Variants in SEC14L5 observed in about 807,000 individuals in gnomAD.
The protein encoded by SEC14L5 is SEC14 like lipid binding 5.
In SEC14L5, 96 loss-of-function variants were observed where a neutral mutation model predicts 84.6. The observed-to-expected ratio is 1.13, with a 90% CI of 0.96 to 1.34. The LOEUF is 1.34. SEC14L5 is among the 40% of genes most tolerant of loss of function. The pLI is 0.00. For missense variants in SEC14L5, 1,224 were observed against 942.5 expected (o/e 1.30, Z -3.91); for synonymous variants, 546 against 383.4 (o/e 1.42, Z -4.95).
At chr16:4,978,047 C>A (rs1255738208) in intron 2 of SEC14L5, among the ~76,000 whole-genome samples, 1 of 148,872 alleles carries the variant, frequency 6.7e-6, no homozygotes, top group African/African-American at 2.5e-5. Context: ...AGTGATCCAC[C>A]TGCCTCGGCC....
chr16:5,000,184 G>T (rs906180939), intron 8 of SEC14L5, among the ~76,000 whole-genome samples: 1 of 151,942 alleles, frequency 6.6e-6, no homozygotes, highest in South Asian at 2.1e-4. Flanking sequence ...CCAGCTACTC[G>T]GGAGGCTGAG....
Position 4,996,992 on chromosome 16 carries a change from C to G in SEC14L5, c.918C>G (p.Pro306=). The change falls in exon 8 of 16, where the codon CCC becomes CCG. Residue 306 remains proline (P), a synonymous_variant. Coordinates refer to ENST00000251170, the MANE Select transcript of SEC14L5 (RefSeq NM_014692.2). The stretch of plus-strand genomic sequence containing the variant: ...ATCTCCTCCTTCAGACCTGGCAACC[C>G]CCTGCCCTGCTGGAGGAGTTCTATG... ...QVDLLLQTWQ[P]PALLEEFYAG... is the part of the protein sequence containing the mutation. 1 of 1,613,360 alleles carries G rather than the reference C, an allele frequency of 6.2e-7. No homozygotes were observed. Among genetic ancestry groups the G allele is most frequent in the Non-Finnish European group, 8.5e-7 (1 of 1,179,614 alleles).
chr16:5,007,660 C>A (rs575423057), intron 13 of SEC14L5, among the ~76,000 whole-genome samples, 174 bp downstream of exon 13: 46 of 144,890 alleles, frequency 3.2e-4, no homozygotes, highest in African/African-American at 1.1e-3. Context: ...GGCTGGAGTG[C>A]AGTGGTGCAA....
rs1444270738 is a variant in SEC14L5 at position 5,018,356 on chromosome 16, G to C, written c.*3386G>C. Reference sequence around the variant, plus strand: ...TATTGCCCTCTGAGTTGGGTGTGCAGTCTTTCTCTTTTAGAAACTGCTTGT... The same window carrying C: ...TATTGCCCTCTGAGTTGGGTGTGCACTCTTTCTCTTTTAGAAACTGCTTGT... On this transcript the variant is annotated 3_prime_UTR_variant, in exon 16 of 16. Transcript: ENST00000251170. 1 of 152,242 alleles carries C rather than the reference G, an allele frequency of 6.6e-6. No individual in the cohort carries two copies. The highest frequency in any genetic ancestry group is 1.5e-5 in the Non-Finnish European group (1 of 68,050). 9.4% of individuals were successfully genotyped at this position (152,242 alleles called of 1,614,324 possible).
chr16:4,992,150 G>A (rs1437110214), intron 6 of SEC14L5, 120 bp downstream of exon 6: 17 of 665,040 alleles, frequency 2.6e-5, no homozygotes, highest in African/African-American at 3.7e-5. Flanking sequence ...GAATGGGTCT[G>A]GGTCTTGGAA....
rs527915227 is a variant in SEC14L5 at position 4,979,150 on chromosome 16, C to G, written c.64-8407C>G. ...ACATTTTCAAATGCATGGGGACTGT[C>G]TGAGGAACAAGGGCACAGGGAGGGT... is the stretch of plus-strand genomic sequence containing the variant. On this transcript the variant is annotated intron_variant, in intron 2 of 15. Coordinates refer to ENST00000251170, the MANE Select transcript of SEC14L5 (RefSeq NM_014692.2). Among the ~76,000 whole-genome samples the G allele has an allele frequency of 3.3e-5, 5 of 152,250 alleles. No individual in the cohort carries two copies. The East Asian group carries it at 5.8e-4, about 18-fold the overall frequency.
At chr16:5,002,775 C>T (rs764643279) in intron 10 of SEC14L5, among the ~76,000 whole-genome samples, 6 of 152,178 alleles carry the variant, frequency 3.9e-5, no homozygotes, top group Non-Finnish European at 4.4e-5. Flanking sequence ...CAGGACTTGA[C>T]CAAGATCACA....
At chr16:5,001,775 C>A (rs1382472223) in intron 10 of SEC14L5, among the ~76,000 whole-genome samples, 3 of 149,234 alleles carry the variant, frequency 2.0e-5, no homozygotes, top group Non-Finnish European at 4.5e-5. Flanking sequence ...TGTAAAGTGG[C>A]TTTTTTTTTT....
intron 15 of SEC14L5, among the ~76,000 whole-genome samples, chr16:5,013,705 C>T (rs913646637): frequency 6.6e-6 from 1 of 151,724 alleles, no homozygotes; most frequent in South Asian, 2.1e-4. Context: ...ATTACAGGTG[C>T]GTACCACCAC....
intron 14 of SEC14L5, 46 bp from the exon 15 acceptor site, chr16:5,011,049 T>G: frequency 6.5e-7 from 1 of 1,540,518 alleles, no homozygotes; most frequent in South Asian, 1.2e-5. Context: ...CCTTGACCTG[T>G]CCTCTGGAGG....
Position 5,014,905 on chromosome 16 carries a change from C to G in SEC14L5, c.2026C>G (p.Leu676Val). 6.2e-7 allele frequency: 1 copy of G among 1,613,626 alleles called. No individual in the cohort carries two copies. The highest frequency in any genetic ancestry group is 8.5e-7 in the Non-Finnish European group (1 of 1,179,892). The change falls in exon 16 of 16, where the codon CTC (leucine) becomes GTC (valine). Residue 676 changes from leucine (L) to valine (V), a missense_variant. Physicochemically the swap from Leu to Val is conservative, Grantham distance 32 (BLOSUM62 1). Transcript: ENST00000251170. ...ATCCTGCACCAGCGGCTTCTCCCAG[C>G]TCAGCGCCGCCACCTCGTCCTCCTC... ...LESCTSGFSQLSAATSSSSSG... is the reference protein window; with the variant it reads ...LESCTSGFSQVSAATSSSSSG...
chr16:5,003,378 G>C (rs781776873), intron 10 of SEC14L5, 24 bp from the exon 11 acceptor site: 40 of 1,603,212 alleles, frequency 2.5e-5, no homozygotes, highest in Non-Finnish European at 3.2e-5. Flanking sequence ...GAGCCAGGTG[G>C]AGCTGGGGCT....
intron 4 of SEC14L5, 26 bp downstream of exon 4, chr16:4,988,306 C>G (rs1955517888): frequency 6.2e-7 from 1 of 1,610,352 alleles, no homozygotes; most frequent in Non-Finnish European, 8.5e-7. Context: ...CCTCAGCGCC[C>G]ACGCCCGGCA....
chr16:4,966,263 G>A, intron 2 of SEC14L5, among the ~76,000 whole-genome samples: 1 of 143,342 alleles, frequency 7.0e-6, no homozygotes, highest in Non-Finnish European at 1.5e-5. Context: ...ACCGCGCCCG[G>A]CCTCTTTTTT....
intron 6 of SEC14L5, among the ~76,000 whole-genome samples, chr16:4,992,822 T>C (rs1222397068): frequency 6.6e-6 from 1 of 152,212 alleles, no homozygotes; most frequent in Admixed American, 6.5e-5. Context: ...TAGGTGCATA[T>C]ATGCACATAA....
At chr16:5,003,160 T>G (rs11076865) in intron 10 of SEC14L5, among the ~76,000 whole-genome samples, 115,873 of 152,238 alleles carry the variant, frequency 0.76, 44,525 homozygotes, top group Non-Finnish European at 0.77. Context: ...GTCCTATGAG[T>G]AAGTGGGTCT....
intron 2 of SEC14L5, among the ~76,000 whole-genome samples, chr16:4,974,658 C>T (rs932821773): frequency 4.6e-5 from 7 of 151,764 alleles, no homozygotes; most frequent in African/African-American, 1.7e-4. Context: ...AATTTTAGTG[C>T]ACCTGTCACA....
At chr16:4,967,562 GTTTTTTTTTTTTTTTTT>G (rs869061549) in intron 2 of SEC14L5, among the ~76,000 whole-genome samples, 2 of 37,066 alleles carry the variant, frequency 5.4e-5, no homozygotes, top group Non-Finnish European at 1.1e-4. Flanking sequence ...TCTTTCTTTC[GTTTTTTTTTTTTTTTTT>G]TTTTTTTTTT....
chr16:4,995,479 C>A (rs1955598926), intron 6 of SEC14L5, among the ~76,000 whole-genome samples: 1 of 152,206 alleles, frequency 6.6e-6, no homozygotes, highest in Non-Finnish European at 1.5e-5. Context: ...TCTGTCAAAA[C>A]CCCACAATGG....
Sources: allele counts gnomAD v4.1 joint callset (sites outside exome capture counted in the v4.1 genomes callset), GRCh38; gene constraint gnomAD v4.1.1; transcripts MANE v1.5; gene names NCBI Gene and HGNC (gene_info 2026-07-23, HGNC 2026-07-21).